Variants in TMEM177 observed in about 807,000 individuals in gnomAD.
The protein encoded by TMEM177 is transmembrane protein 177.
Under a neutral mutation model 14.2 loss-of-function variants are expected in TMEM177, and 4 were observed. The ratio of observed to expected loss-of-function variants is 0.28; its 90% CI spans 0.14 to 0.64. The LOEUF (loss-of-function observed/expected upper bound fraction) is 0.64, where lower values mean the gene tolerates loss of function less well. TMEM177 is among the 30% of genes least tolerant of loss of function. The pLI is 0.82. For synonymous variants in TMEM177, 179 were observed against 174.5 expected, an observed-to-expected ratio of 1.03 and a Z score of -0.20; for missense variants, 344 against 405.2, an observed-to-expected ratio of 0.85 and a Z score of 1.30.
At position 119,681,335 on chromosome 2, in the gene TMEM177, T is replaced by A. The variant is rs1688895320; in HGVS notation, c.482T>A (p.Leu161Gln). ...KFALAREVVY[L>Q]ESSTTAVHAL... Reference sequence around the variant, plus strand: ...GCCTTGGCCAGGGAAGTGGTGTACCTGGAAAGCAGTACCACTGCCGTGCAC... The same window carrying A: ...GCCTTGGCCAGGGAAGTGGTGTACCAGGAAAGCAGTACCACTGCCGTGCAC... Residue 161 changes from leucine to glutamine, a missense_variant, in exon 2 of 2, where the codon CTG (leucine) becomes CAG (glutamine). By Grantham distance (113) the Leu-to-Gln change is moderately radical. Transcript: ENST00000272521. 2.5e-6 allele frequency: 4 copies of A among 1,614,072 alleles called. No individual in the cohort carries two copies. In the South Asian group the frequency reaches 4.4e-5, roughly 18 times the overall value.
downstream of TMEM177, among the ~76,000 whole-genome samples, chr2:119,688,364 A>G (rs1452559339): frequency 3.3e-5 from 5 of 152,226 alleles, no homozygotes; most frequent in Admixed American, 6.5e-5. Context: ...TCACTTAACG[A>G]CAGGGATATG....
chr2:119,717,467 T>C, the TMEM177 span, among the ~76,000 whole-genome samples: 1 of 152,144 alleles, frequency 6.6e-6, no homozygotes, highest in African/African-American at 2.4e-5. Context: ...CCCATAGTTA[T>C]GAGTGTAGAT....
chr2:119,695,672 G>GA, the TMEM177 span, among the ~76,000 whole-genome samples: 1 of 152,244 alleles, frequency 6.6e-6, no homozygotes, highest in Non-Finnish European at 1.5e-5. Context: ...AGGCTCTGGG[G>GA]AAAAGTCCAG....
At chr2:119,694,202 GCA>G in the TMEM177 span, among the ~76,000 whole-genome samples, 2 of 124,214 alleles carry the variant, frequency 1.6e-5, no homozygotes, top group Non-Finnish European at 3.5e-5. Flanking sequence ...AACATACCAT[GCA>G]CACACAACAC....
At chr2:119,705,780 T>C in the TMEM177 span, among the ~76,000 whole-genome samples, 2 of 151,680 alleles carry the variant, frequency 1.3e-5, no homozygotes, top group South Asian at 4.2e-4. Flanking sequence ...GAATAGACGG[T>C]GGGGGTTATA....
At chr2:119,687,021 A>G (rs1281436155), downstream of TMEM177, among the ~76,000 whole-genome samples, 2 of 152,202 alleles carry the variant, frequency 1.3e-5, no homozygotes, top group African/African-American at 4.8e-5. Context: ...CTGGTTCATA[A>G]TCCACTCCCC....
At chr2:119,716,071 G>A in the TMEM177 span, among the ~76,000 whole-genome samples, 15 of 152,290 alleles carry the variant, frequency 9.8e-5, no homozygotes, top group African/African-American at 3.1e-4. Flanking sequence ...CATTCCGGTG[G>A]GGAGTTGGAC....
At chr2:119,703,847 G>A in the TMEM177 span, among the ~76,000 whole-genome samples, 3 of 152,202 alleles carry the variant, frequency 2.0e-5, no homozygotes, top group Non-Finnish European at 4.4e-5. Context: ...CCTAAGGGTG[G>A]TAACAGCTTC....
At chr2:119,685,046 A>G (rs1688987605), downstream of TMEM177, among the ~76,000 whole-genome samples, 1 of 152,104 alleles carries the variant, frequency 6.6e-6, no homozygotes, top group Non-Finnish European at 1.5e-5. Flanking sequence ...TCCCTTGTGA[A>G]CATTGTTCTC....
At chr2:119,683,777 T>C (rs1001697394), downstream of TMEM177, among the ~76,000 whole-genome samples, 4 of 151,594 alleles carry the variant, frequency 2.6e-5, no homozygotes, top group Non-Finnish European at 5.9e-5. Flanking sequence ...TGCGTGTGTG[T>C]GCGCGTGCAT....
the TMEM177 span, among the ~76,000 whole-genome samples, chr2:119,704,579 C>CA: frequency 7.7e-4 from 111 of 144,310 alleles, no homozygotes; most frequent in African/African-American, 2.2e-3. Context: ...GACTCCGTCT[C>CA]AAAAAAAAAA....
At chr2:119,702,739 T>C in the TMEM177 span, among the ~76,000 whole-genome samples, 160 of 152,320 alleles carry the variant, frequency 1.1e-3, no homozygotes, top group African/African-American at 3.5e-3. Context: ...GGGAGTGTGA[T>C]TGCAGAAGGC....
the TMEM177 span, among the ~76,000 whole-genome samples, chr2:119,709,163 A>G: frequency 6.6e-6 from 1 of 152,062 alleles, no homozygotes; most frequent in Non-Finnish European, 1.5e-5. Context: ...GTCTCTTTCC[A>G]TTTTTCTGTG....
chr2:119,716,767 T>C, the TMEM177 span, among the ~76,000 whole-genome samples: 1 of 152,214 alleles, frequency 6.6e-6, no homozygotes, highest in Non-Finnish European at 1.5e-5. Flanking sequence ...TCTCTTCTAG[T>C]CTCCTTCTGA....
At chr2:119,697,967 G>A in the TMEM177 span, among the ~76,000 whole-genome samples, 1 of 152,138 alleles carries the variant, frequency 6.6e-6, no homozygotes, top group East Asian at 1.9e-4. Flanking sequence ...AGGCAATTTT[G>A]AGGCATAATA....
chr2:119,706,600 A>G, the TMEM177 span, among the ~76,000 whole-genome samples: 1 of 152,090 alleles, frequency 6.6e-6, no homozygotes, highest in Non-Finnish European at 1.5e-5. Flanking sequence ...TTGTTGACTA[A>G]AAAACATATT....
chr2:119,705,328 A>G, the TMEM177 span, among the ~76,000 whole-genome samples: 2 of 152,180 alleles, frequency 1.3e-5, no homozygotes, highest in Non-Finnish European at 2.9e-5. Context: ...GCTGGGCTGC[A>G]TTCTCATCTG....
At chr2:119,693,213 C>T in the TMEM177 span, among the ~76,000 whole-genome samples, 1 of 152,174 alleles carries the variant, frequency 6.6e-6, no homozygotes, top group South Asian at 2.1e-4. Context: ...GCCACAGCAG[C>T]ACCCTTTTGT....
In TMEM177 at chr2:119,681,496, G is replaced by T; in HGVS notation, c.643G>T (p.Ala215Ser). 1 of 1,613,640 alleles carries T rather than the reference G, an allele frequency of 6.2e-7. No homozygotes were observed. The highest frequency in any genetic ancestry group is 8.5e-7 in the Non-Finnish European group (1 of 1,180,044). Reference sequence around the variant, plus strand: ...GGTGGCAGCAGTGGCAGGCTTTGTGGCCTACGCCTTCTCCCAGGATTCTCT... The same window carrying T: ...GGTGGCAGCAGTGGCAGGCTTTGTGTCCTACGCCTTCTCCCAGGATTCTCT... Reference protein sequence around the residue: ...SLVAAVAGFVAYAFSQDSLTH... With the variant: ...SLVAAVAGFVSYAFSQDSLTH... Residue 215 changes from alanine (A) to serine (S), a missense_variant, in exon 2 of 2, where the codon GCC becomes TCC. Physicochemically the swap from Ala to Ser is moderately conservative, Grantham distance 99 (BLOSUM62 1). Coordinates refer to ENST00000272521, the MANE Select transcript of TMEM177 (RefSeq NM_030577.3).
Sources: allele counts gnomAD v4.1 joint callset (sites outside exome capture counted in the v4.1 genomes callset), GRCh38; gene constraint gnomAD v4.1.1; transcripts MANE v1.5; gene names NCBI Gene and HGNC (gene_info 2026-07-23, HGNC 2026-07-21).